Variants in RNGTT observed in about 807,000 individuals in gnomAD.
The protein encoded by RNGTT is RNA guanylyltransferase and 5'-phosphatase, also known as mRNA-capping enzyme.
Under a neutral mutation model 79.3 loss-of-function variants are expected in RNGTT, and 33 were observed. That is an observed-to-expected ratio of 0.42 (90% CI 0.32 to 0.56). The LOEUF (loss-of-function observed/expected upper bound fraction) is 0.56, where lower values mean the gene tolerates loss of function less well. RNGTT is among the 20% of genes least tolerant of loss of function. RNGTT has a pLI of 0.17. For synonymous variants in RNGTT, 222 were observed against 235.9 expected (o/e 0.94, Z 0.54); for missense variants, 497 against 739.1 (o/e 0.67, Z 3.80).
At chr6:88,665,830 A>T (rs1774384652) in intron 14 of RNGTT, among the ~76,000 whole-genome samples, 1 of 152,204 alleles carries the variant, frequency 6.6e-6, no homozygotes, top group Non-Finnish European at 1.5e-5. Flanking sequence ...GGGACGCCCC[A>T]TGGCAGTCGG....
At chr6:88,724,052 T>C (rs1465342692) in intron 13 of RNGTT, among the ~76,000 whole-genome samples, 1 of 152,164 alleles carries the variant, frequency 6.6e-6, no homozygotes, top group Non-Finnish European at 1.5e-5. Flanking sequence ...TAACTCTTTT[T>C]ACAAAAGAGT....
intron 13 of RNGTT, among the ~76,000 whole-genome samples, chr6:88,711,115 C>T (rs1776303568): frequency 6.6e-6 from 1 of 152,078 alleles, no homozygotes; most frequent in Non-Finnish European, 1.5e-5. Context: ...CAAATAAACC[C>T]AAACTACTAA....
At chr6:88,875,443 T>C (rs1347351802) in intron 8 of RNGTT, among the ~76,000 whole-genome samples, 2 of 152,024 alleles carry the variant, frequency 1.3e-5, no homozygotes, top group Non-Finnish European at 2.9e-5. Flanking sequence ...TCAGAAAAAA[T>C]ATATTTTAAG....
At chr6:88,664,206 C>T (rs1218734708) in intron 14 of RNGTT, among the ~76,000 whole-genome samples, 3 of 152,058 alleles carry the variant, frequency 2.0e-5, no homozygotes, top group Non-Finnish European at 4.4e-5. Context: ...AGGAGAGGAG[C>T]CCAAAAGGCC....
chr6:88,622,939 A>G (rs1456827728), intron 14 of RNGTT, among the ~76,000 whole-genome samples: 1 of 152,132 alleles, frequency 6.6e-6, no homozygotes, highest in Admixed American at 6.6e-5. Context: ...ACAACTACAA[A>G]ATGTTTACAA....
At chr6:88,623,291 C>T (rs1772505662) in intron 14 of RNGTT, among the ~76,000 whole-genome samples, 1 of 152,090 alleles carries the variant, frequency 6.6e-6, no homozygotes, top group Non-Finnish European at 1.5e-5. Flanking sequence ...TGGGGTCCCA[C>T]ATAGATCTAA....
intron 14 of RNGTT, among the ~76,000 whole-genome samples, chr6:88,664,435 G>A (rs1408268549): frequency 4.6e-5 from 7 of 152,264 alleles, no homozygotes; most frequent in African/African-American, 9.6e-5. Flanking sequence ...TGAATACGTC[G>A]CCAATTACTG....
intron 13 of RNGTT, among the ~76,000 whole-genome samples, chr6:88,766,920 T>C (rs931526351): frequency 6.6e-6 from 1 of 152,116 alleles, no homozygotes; most frequent in African/African-American, 2.4e-5. Context: ...TTCAGAGACA[T>C]AGCTACTCCC....
At position 88,929,012 on chromosome 6, in the gene RNGTT, T is replaced by A; in HGVS notation, c.340A>T (p.Asn114Tyr). 1.2e-6 allele frequency: 2 copies of A among 1,611,904 alleles called. No homozygotes were observed. Among genetic ancestry groups the A allele is most frequent in the Non-Finnish European group, 1.7e-6 (2 of 1,178,958 alleles). ...ATAAGTTCAGGTGGATTTCTTTCAT[T>A]AAACCGCTCACACAGACGAATAAAG... ...ETFIRLCERF[N>Y]ERNPPELIGV... Residue 114 changes from asparagine (N) to tyrosine (Y), a missense_variant, in exon 4 of 16, where the codon AAT (asparagine) becomes TAT (tyrosine). This residue lies in a region of RNGTT where 440 missense variants were observed against 671.5 expected (regional missense o/e 0.66). Transcript: ENST00000369485.
At chr6:88,765,586 C>G (rs959406434) in intron 13 of RNGTT, among the ~76,000 whole-genome samples, 3 of 152,114 alleles carry the variant, frequency 2.0e-5, no homozygotes, top group Non-Finnish European at 2.9e-5. Flanking sequence ...CATAAATCTT[C>G]AGCACAACAA....
rs545948889 is a variant in RNGTT at position 88,875,386 on chromosome 6, CT to C, written c.896+15108del. On this transcript the variant is annotated intron_variant, in intron 8 of 15. Transcript: ENST00000369485. ...GGGATAAAAGTTCTCACAGGGAGAACTTTTTAATTTCTTTTTAATGTTTTAT... is the reference window on the plus strand; with the variant it reads ...GGGATAAAAGTTCTCACAGGGAGAACTTTTAATTTCTTTTTAATGTTTTAT... Among the ~76,000 whole-genome samples the C allele has an allele frequency of 2.2e-3, 339 of 152,046 alleles. 3 individuals carry two copies. The highest frequency in any genetic ancestry group is 8.0e-3 in the African/African-American group (332 of 41,492).
At chr6:88,777,298 T>C (rs1203408513) in intron 12 of RNGTT, among the ~76,000 whole-genome samples, 1 of 152,220 alleles carries the variant, frequency 6.6e-6, no homozygotes, top group Non-Finnish European at 1.5e-5. Context: ...AACTTTGTTC[T>C]TCTTTCTCAA....
chr6:88,937,185 A>G (rs1784692135), intron 2 of RNGTT, among the ~76,000 whole-genome samples: 1 of 152,118 alleles, frequency 6.6e-6, no homozygotes, highest in South Asian at 2.1e-4. Context: ...CTCAACTAAA[A>G]AATACAAAAA....
chr6:88,814,779 G>A (rs75347879), intron 11 of RNGTT, among the ~76,000 whole-genome samples: 1 of 152,012 alleles, frequency 6.6e-6, no homozygotes, highest in African/African-American at 2.4e-5. Context: ...GGGAGAAAAA[G>A]TAGAGAGATT....
intron 14 of RNGTT, among the ~76,000 whole-genome samples, chr6:88,673,804 G>A (rs1025505109): frequency 6.6e-6 from 1 of 152,176 alleles, no homozygotes; most frequent in African/African-American, 2.4e-5. Context: ...GAGACACCAT[G>A]TAACTCACAC....
chr6:88,720,711 G>A (rs889151006), intron 13 of RNGTT, among the ~76,000 whole-genome samples: 11 of 151,906 alleles, frequency 7.2e-5, no homozygotes, highest in African/African-American at 2.4e-4. Flanking sequence ...AAGTACTATC[G>A]AACAGATTAG....
At chr6:88,678,512 A>T in intron 13 of RNGTT, 93 bp from the exon 14 acceptor site, 1 of 671,326 alleles carries the variant, frequency 1.5e-6, no homozygotes, top group Non-Finnish European at 2.1e-6. Flanking sequence ...TATAATATAG[A>T]TATACTATAA....
chr6:88,775,416 CCTT>C (rs1226901251), intron 12 of RNGTT, among the ~76,000 whole-genome samples: 6 of 152,154 alleles, frequency 3.9e-5, no homozygotes, highest in Non-Finnish European at 8.8e-5. Context: ...GCACTGATAA[CCTT>C]CTTCCTAGTC....
rs1262274253 is a variant in RNGTT, at chr6:88,755,471, C to A, written c.1439+14303G>T. Among the ~76,000 whole-genome samples, 5 of 150,018 alleles carry A rather than the reference C, an allele frequency of 3.3e-5. No individual in the cohort carries two copies. In the East Asian group the frequency reaches 5.8e-4, roughly 17 times the overall value. On this transcript the variant is annotated intron_variant, in intron 13 of 15. Transcript: ENST00000369485. ...TCATAAAACAAACAAACAACAACGA[C>A]AAAAAAAAACTACTAAGTTTTTTCA...
Sources: gnomAD v4.1 joint callset for allele counts (sites outside exome capture counted in the v4.1 genomes callset) on GRCh38, gnomAD v4.1.1 for gene constraint, gnomAD v4.1.1 regional missense constraint, MANE v1.5 for transcripts, NCBI Gene and HGNC (gene_info 2026-07-23, HGNC 2026-07-21) for gene names.